The following TMEFF2 variants were observed in gnomAD, a reference collection of about 807,000 sequenced individuals.
The protein encoded by TMEFF2 is transmembrane protein with EGF like and two follistatin like domains 2, also known as tomoregulin-2.
A neutral mutation model predicts 53.8 loss-of-function variants in TMEFF2; 28 were observed. That is an observed-to-expected ratio of 0.52 (90% CI 0.39 to 0.71). TMEFF2 has a LOEUF of 0.71. TMEFF2 is among the 30% of genes least tolerant of loss of function. TMEFF2 has a pLI of 0.00. For synonymous variants in TMEFF2, 162 were observed against 166.3 expected, an observed-to-expected ratio of 0.97 and a Z score of 0.20; for missense variants, 353 against 455.2, an observed-to-expected ratio of 0.78 and a Z score of 2.04.
At chr2:192,122,447 G>A (rs541860030) in intron 4 of TMEFF2, among the ~76,000 whole-genome samples, 72 of 152,288 alleles carry the variant, frequency 4.7e-4, no homozygotes, top group Admixed American at 9.8e-4. Context: ...CAGGTGATAA[G>A]TTATGCAGTT....
chr2:192,194,579 CG>C lies in TMEFF2; in HGVS notation c.-56del. 6.3e-7 allele frequency: 1 copy of C among 1,579,610 alleles called. No individual in the cohort carries two copies. ...ACGGCTTCCGAGGAACACAGGATCG[CG>C]GGGGCCGGGCAGCGGGCTACTGAGC... On this transcript the variant is annotated 5_prime_UTR_variant, in exon 1 of 10. It removes the in-frame stop codon of an upstream open reading frame in the 5' UTR. Transcript: ENST00000272771. This position sits in a 1 kb window ranked among gnomAD's most constrained non-coding sequence, Gnocchi z 4.2.
intron 4 of TMEFF2, among the ~76,000 whole-genome samples, chr2:192,159,192 T>A (rs1690576934): frequency 1.3e-5 from 2 of 152,176 alleles, no homozygotes; most frequent in Non-Finnish European, 2.9e-5. Flanking sequence ...TGCAGATTGT[T>A]TTATGCTACC....
chr2:192,165,216 G>C (rs1227036286), intron 4 of TMEFF2, among the ~76,000 whole-genome samples: 1 of 152,100 alleles, frequency 6.6e-6, no homozygotes, highest in Non-Finnish European at 1.5e-5. Context: ...AAAAATAACA[G>C]ACTACACATA....
At chr2:192,169,475 G>A (rs1197565921) in intron 4 of TMEFF2, among the ~76,000 whole-genome samples, 1 of 152,096 alleles carries the variant, frequency 6.6e-6, no homozygotes, top group Non-Finnish European at 1.5e-5. Flanking sequence ...AGTTCTGGTG[G>A]TCTTTGTATC....
At chr2:192,075,308 T>TATATATATATATATATAC (rs1688395872) in intron 4 of TMEFF2, among the ~76,000 whole-genome samples, 7 of 67,946 alleles carry the variant, frequency 1.0e-4, no homozygotes, top group Admixed American at 1.7e-4. Flanking sequence ...TATATATATA[T>TATATATATATATATATAC]ATATATATAT....
chr2:191,976,484 T>C (rs1685732165), intron 7 of TMEFF2, among the ~76,000 whole-genome samples: 1 of 152,234 alleles, frequency 6.6e-6, no homozygotes, highest in African/African-American at 2.4e-5. Context: ...CACTTTGGCT[T>C]TGTTTTTATG....
intron 4 of TMEFF2, among the ~76,000 whole-genome samples, chr2:192,172,112 G>A (rs1423026650): frequency 6.6e-6 from 1 of 151,844 alleles, no homozygotes; most frequent in African/African-American, 2.4e-5. Context: ...GGTGATTAAT[G>A]GTGGGGTATA....
intron 3 of TMEFF2, among the ~76,000 whole-genome samples, chr2:192,180,748 T>C (rs528748817): frequency 2.0e-5 from 3 of 151,820 alleles, no homozygotes; most frequent in South Asian, 2.1e-4. Context: ...GAAAGAGGCA[T>C]GGTGTTTGAA....
At chr2:192,072,400 T>C (rs1688311764) in intron 4 of TMEFF2, among the ~76,000 whole-genome samples, 1 of 151,964 alleles carries the variant, frequency 6.6e-6, no homozygotes, top group African/African-American at 2.4e-5. Flanking sequence ...AAAGATCAGA[T>C]TGTGGCTGAT....
chr2:192,002,037 A>ATTTATTT (rs1686377416), intron 5 of TMEFF2, among the ~76,000 whole-genome samples: 1 of 141,454 alleles, frequency 7.1e-6, no homozygotes, highest in African/African-American at 2.9e-5. Context: ...TTTATTTATT[A>ATTTATTT]TTTTTCAGTT....
At chr2:191,976,952 CAGTA>C (rs1685744368) in intron 7 of TMEFF2, among the ~76,000 whole-genome samples, 2 of 152,318 alleles carry the variant, frequency 1.3e-5, no homozygotes, top group African/African-American at 4.8e-5. Flanking sequence ...GTCTGGCACA[CAGTA>C]AGTACTCAAT....
At chr2:192,106,227 G>A (rs1027264934) in intron 4 of TMEFF2, among the ~76,000 whole-genome samples, 3 of 151,496 alleles carry the variant, frequency 2.0e-5, no homozygotes, top group Admixed American at 6.6e-5. Flanking sequence ...AGATAAAAAA[G>A]GTCATGATAA....
chr2:192,174,647 G>C (rs1353690403), intron 4 of TMEFF2, among the ~76,000 whole-genome samples: 1 of 151,750 alleles, frequency 6.6e-6, no homozygotes, highest in East Asian at 1.9e-4. Context: ...AGAGCAAAAA[G>C]AGGATAGTTT....
At chr2:191,966,169 G>A (rs1280866175) in intron 7 of TMEFF2, among the ~76,000 whole-genome samples, 3 of 152,126 alleles carry the variant, frequency 2.0e-5, no homozygotes, top group African/African-American at 7.2e-5. Flanking sequence ...TTTGCTTCAT[G>A]GGAACAACTT....
intron 3 of TMEFF2, among the ~76,000 whole-genome samples, chr2:192,182,983 T>G (rs757633225): frequency 2.0e-5 from 3 of 151,926 alleles, no homozygotes; most frequent in Non-Finnish European, 4.4e-5. Context: ...GCCCATTGAC[T>G]CTCACATATT....
At chr2:192,135,293 T>G (rs1487981558) in intron 4 of TMEFF2, among the ~76,000 whole-genome samples, 1 of 152,184 alleles carries the variant, frequency 6.6e-6, no homozygotes, top group Non-Finnish European at 1.5e-5. Context: ...AAATAATCTT[T>G]GCTGGCAGGA....
At chr2:192,042,881 A>G (rs976221394) in intron 5 of TMEFF2, among the ~76,000 whole-genome samples, 1 of 152,216 alleles carries the variant, frequency 6.6e-6, no homozygotes, top group African/African-American at 2.4e-5. Flanking sequence ...AAGGGTCCAG[A>G]AGATGTACCT....
chr2:192,085,927 A>C (rs1051916483), intron 4 of TMEFF2, among the ~76,000 whole-genome samples: 2 of 152,156 alleles, frequency 1.3e-5, no homozygotes, highest in Admixed American at 1.3e-4. Context: ...CATTTCCCAA[A>C]AGCGAAGAAG....
intron 2 of TMEFF2, among the ~76,000 whole-genome samples, chr2:192,189,555 C>CAAAAAAAAAAAAAAAAAAAAAAA (rs58455898): frequency 4.9e-5 from 2 of 41,104 alleles, no homozygotes; most frequent in Non-Finnish European, 4.5e-5. Flanking sequence ...CCAAAAATTC[C>CAAAAAAAAAAAAAAAAAAAAAAA]AAAAAAAAAA....
Sources: allele counts gnomAD v4.1 joint callset (sites outside exome capture counted in the v4.1 genomes callset), GRCh38; gene constraint gnomAD v4.1.1; non-coding constraint Gnocchi (gnomAD v3.1); transcripts MANE v1.5; gene names NCBI Gene and HGNC (gene_info 2026-07-23, HGNC 2026-07-21).